Variants in DNAH8 observed in about 807,000 individuals in gnomAD.
DNAH8 encodes the protein axonemal beta dynein heavy chain 8.
A neutral mutation model predicts 562.1 loss-of-function variants in DNAH8; 382 were observed. The observed-to-expected ratio is 0.68, with a 90% CI of 0.63 to 0.74. DNAH8 has a LOEUF of 0.74. DNAH8 is among the 30% of genes least tolerant of loss of function. The pLI is 0.00. For synonymous variants in DNAH8, 1,881 were observed against 1,919.4 expected, an observed-to-expected ratio of 0.98 and a Z score of 0.52; for missense variants, 5,203 against 5,620.4, an observed-to-expected ratio of 0.93 and a Z score of 2.37.
intron 33 of DNAH8, among the ~76,000 whole-genome samples, chr6:38,839,537 T>A (rs1332912921): frequency 1.3e-5 from 2 of 152,046 alleles, no homozygotes; most frequent in Non-Finnish European, 2.9e-5. Context: ...AAAAATTTTT[T>A]ATACATACAG....
chr6:38,883,018 AT>A lies in DNAH8; in HGVS notation c.7973del (p.Leu2658Ter). The A allele has an allele frequency of 6.2e-7, 1 of 1,601,746 alleles. No individual in the cohort carries two copies. Among genetic ancestry groups the A allele is most frequent in the Admixed American group, 1.8e-5 (1 of 57,126 alleles). On this transcript the variant is annotated frameshift_variant, in exon 54 of 93. Transcript: ENST00000327475. LOFTEE classifies it high-confidence loss of function. Reference protein sequence around the residue: ...LVPNVDNIRTNFLIDTIAKQH... With the variant: ...LVPNVDNIRTXFLIDTIAKQH... ...CCAAATGTTGACAATATTAGAACAAATTTTTTGATAGACACCATTGCAAAAC... is the reference window on the plus strand; with the variant it reads ...CCAAATGTTGACAATATTAGAACAAATTTTTGATAGACACCATTGCAAAAC...
intron 36 of DNAH8, among the ~76,000 whole-genome samples, chr6:38,846,098 C>CTGATT (rs3047879): frequency 0.94 from 141,948 of 151,718 alleles, 66,527 homozygotes; most frequent in African/African-American, 0.98. Context: ...CTTTGTTCCT[C>CTGATT]TGACATCATT....
At position 38,826,320 on chromosome 6, in the gene DNAH8, T is replaced by C. The variant is rs1332221677; in HGVS notation, c.4012T>C (p.Phe1338Leu). The part of the protein sequence containing the change: ...RPIRDLDDVR[F>L]AMEALSCIRD... ...TATTCGTGATTTAGATGATGTCAGATTTGCAATGGAAGCCTTGTCTTGCAT... is the reference window on the plus strand; with the variant it reads ...TATTCGTGATTTAGATGATGTCAGACTTGCAATGGAAGCCTTGTCTTGCAT... Residue 1338 changes from phenylalanine to leucine, a missense_variant, in exon 29 of 93, where the codon TTT becomes CTT. Transcript: ENST00000327475. 2 of 1,613,726 alleles carry C rather than the reference T, an allele frequency of 1.2e-6. No individual in the cohort carries two copies. The highest frequency in any genetic ancestry group is 4.5e-5 in the East Asian group (2 of 44,860).
intron 52 of DNAH8, among the ~76,000 whole-genome samples, chr6:38,874,236 C>A (rs1173133407): frequency 1.5e-5 from 1 of 66,734 alleles, no homozygotes; most frequent in Non-Finnish European, 3.1e-5. Context: ...CTCTTTCTCC[C>A]CTCCCTCCCC....
At position 38,801,610 on chromosome 6, in the gene DNAH8, G is replaced by C. The variant is rs1428920192; in HGVS notation, c.2902-1569G>C. Among the ~76,000 whole-genome samples, 4 of 152,186 alleles carry C rather than the reference G, an allele frequency of 2.6e-5. No homozygotes were observed. In the East Asian group the frequency reaches 7.7e-4, roughly 29 times the overall value. On this transcript the variant is annotated intron_variant, in intron 21 of 92. Coordinates refer to ENST00000327475, the MANE Select transcript of DNAH8 (RefSeq NM_001206927.2). ...CCCTGTTAGACTGAAGTGGCTTCCA[G>C]CCTCCGTTACCATTCCAGTGTTTAG...
Position 38,872,976 on chromosome 6 carries a change from G to A in DNAH8, c.7308G>A (p.Leu2436=). 1 of 1,614,084 alleles carries A rather than the reference G, an allele frequency of 6.2e-7. No homozygotes were observed. The highest frequency in any genetic ancestry group is 8.5e-7 in the Non-Finnish European group (1 of 1,180,000). ...GGATTGAGAACTTAAATTCCGTTTT[G>A]GATGACAATAAAACTCTGACGTTAG... The part of the protein sequence containing the change: ...AIWIENLNSV[L]DDNKTLTLAN... The change falls in exon 51 of 93, where the codon TTG becomes TTA. Residue 2436 remains leucine, a synonymous_variant. Transcript: ENST00000327475.
At chr6:38,977,490 C>T (rs1763752597) in intron 85 of DNAH8, among the ~76,000 whole-genome samples, 1 of 152,032 alleles carries the variant, frequency 6.6e-6, no homozygotes, top group Admixed American at 6.6e-5. Context: ...GGTTTGGCTG[C>T]CACTCCCTGA....
At position 38,984,310 on chromosome 6, in the gene DNAH8, A is replaced by C. The variant is rs574922075; in HGVS notation, c.13053+3A>C. Reference sequence around the variant, plus strand: ...GTCTACTTAATTGCTTTGCCAGAGTAAGTCAATTTAGAAAAATAAAGTTTG... The same window carrying C: ...GTCTACTTAATTGCTTTGCCAGAGTCAGTCAATTTAGAAAAATAAAGTTTG... On this transcript the variant is annotated splice_donor_region_variant and intron_variant, in intron 87 of 92. Transcript: ENST00000327475. 29 of 1,578,996 alleles carry C rather than the reference A, an allele frequency of 1.8e-5. 1 individual carries two copies. The South Asian group carries it at 3.2e-4, about 17-fold the overall frequency.
At chr6:38,824,270 T>C (rs1292864114) in intron 28 of DNAH8, among the ~76,000 whole-genome samples, 1 of 152,170 alleles carries the variant, frequency 6.6e-6, no homozygotes, top group Non-Finnish European at 1.5e-5. Flanking sequence ...CTGGGCAGCA[T>C]GGAGTTGAAG....
intron 85 of DNAH8, among the ~76,000 whole-genome samples, chr6:38,979,555 G>A (rs144682656): frequency 1.3e-5 from 2 of 152,174 alleles, no homozygotes; most frequent in African/African-American, 4.8e-5. Flanking sequence ...GAAAGAAAAG[G>A]CACCCACTAA....
intron 59 of DNAH8, among the ~76,000 whole-genome samples, chr6:38,895,471 G>A (rs1172713651): frequency 6.6e-6 from 1 of 152,144 alleles, no homozygotes; most frequent in East Asian, 1.9e-4. Flanking sequence ...TACAAATTTT[G>A]TGAGCTCTTT....
intron 44 of DNAH8, 95 bp downstream of exon 44, chr6:38,862,553 A>C: frequency 1.1e-5 from 15 of 1,397,300 alleles, no homozygotes; most frequent in Non-Finnish European, 1.5e-5. Context: ...ACGTGATCTC[A>C]TATAATCTAC....
At chr6:38,750,412 A>C in intron 8 of DNAH8, 64 bp from the exon 9 acceptor site, 1 of 1,048,946 alleles carries the variant, frequency 9.5e-7, no homozygotes. Context: ...GAATTTCCCG[A>C]GTAAACTTTA....
intron 82 of DNAH8, among the ~76,000 whole-genome samples, chr6:38,964,961 A>G (rs7741982): frequency 0.87 from 132,716 of 152,020 alleles, 57,991 homozygotes; most frequent in East Asian, 0.93. Context: ...CTACTCAGGA[A>G]GCTGAGGCAT....
chr6:39,003,308 G>GC (rs1765600196), intron 88 of DNAH8, among the ~76,000 whole-genome samples: 1 of 152,198 alleles, frequency 6.6e-6, no homozygotes, highest in Non-Finnish European at 1.5e-5. Context: ...TTTGTAAGAT[G>GC]CATCTCAGTG....
Position 38,723,399 on chromosome 6 carries a change from A to G in DNAH8, c.453A>G (p.Ile151Met), listed in dbSNP as rs376030488. 7 of 1,612,542 alleles carry G rather than the reference A, an allele frequency of 4.3e-6. No individual in the cohort carries two copies. The South Asian group carries it at 6.6e-5, about 15-fold the overall frequency. ...AAATTGACCCTTCATACAAATATAT[A>G]TTTGAAATTCTAGCAGAAAATCTTG... ...RLKIDPSYKY[I>M]FEILAENLGL... The change falls in exon 3 of 93, where the codon ATA (isoleucine) becomes ATG (methionine). Residue 151 changes from isoleucine to methionine, a missense_variant. Transcript: ENST00000327475.
At position 38,886,855 on chromosome 6, in the gene DNAH8, G is replaced by A; in HGVS notation, c.8324G>A (p.Gly2775Glu). Residue 2775 changes from glycine (G) to glutamate (E), a missense_variant, in exon 57 of 93, where the codon GGA (glycine) becomes GAA (glutamate). By Grantham distance (98) the Gly-to-Glu change is moderately conservative. This residue lies in a region of DNAH8 where 977 missense variants were observed against 1,061.8 expected (regional missense o/e 0.92). Coordinates refer to ENST00000327475, the MANE Select transcript of DNAH8 (RefSeq NM_001206927.2). The part of the protein sequence containing the change: ...MEGMYSLDKP[G>E]DFTTIVDVQL... ...GGAATGTACAGCTTGGACAAGCCTG[G>A]AGACTTCACTACTATTGTTGATGTG... The A allele has an allele frequency of 6.2e-7, 1 of 1,614,110 alleles. No homozygotes were observed. Among genetic ancestry groups the A allele is most frequent in the Non-Finnish European group, 8.5e-7 (1 of 1,179,976 alleles).
intron 31 of DNAH8, among the ~76,000 whole-genome samples, chr6:38,833,269 T>TA (rs1234749556): frequency 6.6e-6 from 1 of 152,096 alleles, no homozygotes; most frequent in Non-Finnish European, 1.5e-5. Context: ...GTGCTAAACA[T>TA]ATCTGTTGAT....
Position 39,012,871 on chromosome 6 carries a change from T to A in DNAH8, c.13714+234T>A, listed in dbSNP as rs557721616. Among the ~76,000 whole-genome samples, 8 of 150,788 alleles carry A rather than the reference T, an allele frequency of 5.3e-5. No homozygotes were observed. The South Asian group carries it at 8.5e-4, about 16-fold the overall frequency. On this transcript the variant is annotated intron_variant, in intron 91 of 92. Transcript: ENST00000327475. The stretch of plus-strand genomic sequence containing the variant: ...ATGTGGTAGCAAAATCCTTCCTTTT[T>A]CTTTTCACCAACTTCAGCAAACCAT...
Sources: gnomAD v4.1 joint callset for allele counts (sites outside exome capture counted in the v4.1 genomes callset) on GRCh38, gnomAD v4.1.1 for gene constraint, gnomAD v4.1.1 regional missense constraint, MANE v1.5 for transcripts, NCBI Gene and HGNC (gene_info 2026-07-23, HGNC 2026-07-21) for gene names.